NEK11: variants seen among roughly 807,000 people sequenced by gnomAD.
NEK11 encodes NIMA related kinase 11.
A neutral mutation model predicts 80.7 loss-of-function variants in NEK11; 72 were observed. The ratio of observed to expected loss-of-function variants is 0.89; its 90% CI spans 0.74 to 1.08. The LOEUF (loss-of-function observed/expected upper bound fraction) is 1.08. Ranked by LOEUF, NEK11 falls within the 50% of genes least tolerant of loss-of-function variation. The pLI is 0.00. For synonymous variants in NEK11, 251 were observed against 260.7 expected, an observed-to-expected ratio of 0.96 and a Z score of 0.36; for missense variants, 764 against 763.6, an observed-to-expected ratio of 1.00 and a Z score of -0.01.
intron 17 of NEK11, among the ~76,000 whole-genome samples, chr3:131,334,199 A>C (rs1352021746): frequency 2.6e-5 from 4 of 152,150 alleles, no homozygotes; most frequent in Admixed American, 6.5e-5. Context: ...CTATTCCAAA[A>C]TTGACCACAT....
chr3:131,211,049 A>G (rs558744445), intron 14 of NEK11, among the ~76,000 whole-genome samples: 1 of 152,250 alleles, frequency 6.6e-6, no homozygotes, highest in South Asian at 2.1e-4. Context: ...CCACTAGTTG[A>G]TGCAGTTTCT....
intron 16 of NEK11, among the ~76,000 whole-genome samples, chr3:131,262,711 G>A (rs1341097745): frequency 6.6e-6 from 1 of 152,126 alleles, no homozygotes; most frequent in Non-Finnish European, 1.5e-5. Flanking sequence ...ATGTGCAGGA[G>A]GTGCAAGTTT....
At chr3:131,257,575 T>C (rs974265174) in intron 16 of NEK11, among the ~76,000 whole-genome samples, 2 of 152,204 alleles carry the variant, frequency 1.3e-5, no homozygotes, top group Non-Finnish European at 2.9e-5. Flanking sequence ...ATCTCCTCTT[T>C]TGGCTTTCAT....
chr3:131,252,555 A>T (rs1404162460), intron 16 of NEK11, among the ~76,000 whole-genome samples: 1 of 152,102 alleles, frequency 6.6e-6, no homozygotes, highest in African/African-American at 2.4e-5. Flanking sequence ...TGAATGAATG[A>T]GTTAGCATTT....
intron 4 of NEK11, among the ~76,000 whole-genome samples, chr3:131,087,837 C>T (rs2076211247): frequency 6.6e-6 from 1 of 152,070 alleles, no homozygotes; most frequent in Admixed American, 6.6e-5. Flanking sequence ...AGAAACAAAT[C>T]CTTTTCTGTG....
rs560028347 is a variant in NEK11, at chr3:131,245,121, C to T, written c.1621+1625C>T. ...CCCACTCTTCTGAGTCTCCAACGTC[C>T]GTTACTCCACACTGTATATCCATAT... On this transcript the variant is annotated intron_variant, in intron 16 of 17. Transcript: ENST00000383366. 4.6e-5 allele frequency among the ~76,000 whole-genome samples: 7 copies of T among 151,956 alleles called. 1 individual carries two copies. In the South Asian group the frequency reaches 1.2e-3, roughly 27 times the overall value.
chr3:131,092,212 A>G (rs528985120), intron 4 of NEK11, among the ~76,000 whole-genome samples: 1 of 152,342 alleles, frequency 6.6e-6, no homozygotes, highest in Non-Finnish European at 1.5e-5. Flanking sequence ...AATTCATGGC[A>G]TCAGGCTAGT....
chr3:131,087,236 T>TC (rs1491438699), intron 4 of NEK11, among the ~76,000 whole-genome samples: 1 of 16,486 alleles, frequency 6.1e-5, no homozygotes, highest in East Asian at 9.7e-4. Flanking sequence ...ATGCAAATTC[T>TC]TTTTTTTTTT....
At chr3:131,337,951 CTTTTT>C (rs564025004) in intron 17 of NEK11, among the ~76,000 whole-genome samples, 1 of 151,124 alleles carries the variant, frequency 6.6e-6, no homozygotes, top group African/African-American at 2.4e-5. Context: ...AATTTTTTTT[CTTTTT>C]TTTTGAAACG....
intron 17 of NEK11, among the ~76,000 whole-genome samples, chr3:131,338,416 C>T (rs975231370): frequency 2.6e-5 from 4 of 151,954 alleles, no homozygotes; most frequent in Admixed American, 6.6e-5. Flanking sequence ...CTTCACCAAA[C>T]GGCTGAGAAG....
At chr3:131,028,933 C>T (rs542092317) in intron 2 of NEK11, among the ~76,000 whole-genome samples, 2 of 152,320 alleles carry the variant, frequency 1.3e-5, no homozygotes, top group East Asian at 3.9e-4. Context: ...ATTTATATTC[C>T]ACTGACATTA....
chr3:131,313,657 T>C (rs960039673), intron 17 of NEK11, among the ~76,000 whole-genome samples: 1 of 152,216 alleles, frequency 6.6e-6, no homozygotes, highest in Non-Finnish European at 1.5e-5. Flanking sequence ...CACTATGTTA[T>C]AGACAGAGCA....
chr3:131,157,204 G>A (rs1030314735), intron 10 of NEK11, among the ~76,000 whole-genome samples: 9 of 152,220 alleles, frequency 5.9e-5, no homozygotes, highest in African/African-American at 9.7e-5. Context: ...TAAGTTCAGG[G>A]TAGGATCCTG....
intron 10 of NEK11, among the ~76,000 whole-genome samples, chr3:131,160,371 G>A (rs2091370398): frequency 6.6e-6 from 1 of 152,106 alleles, no homozygotes; most frequent in African/African-American, 2.4e-5. Flanking sequence ...TTTCAGACAA[G>A]CAAATACTGA....
In NEK11 at chr3:131,318,697, A is replaced by G. The variant is rs534093851; in HGVS notation, c.1719-30860A>G. ...AGATGCAGAACAATAGGCATATATG[A>G]TCTCATCCATATGTCATTGTTTAGT... On this transcript the variant is annotated intron_variant, in intron 17 of 17. Coordinates refer to ENST00000383366, the MANE Select transcript of NEK11 (RefSeq NM_024800.5). Among the ~76,000 whole-genome samples the G allele has an allele frequency of 2.6e-5, 4 of 151,120 alleles. No homozygotes were observed. The South Asian group carries it at 8.4e-4, about 32-fold the overall frequency.
intron 3 of NEK11, among the ~76,000 whole-genome samples, chr3:131,037,393 C>T (rs886953019): frequency 1.3e-5 from 2 of 151,842 alleles, no homozygotes; most frequent in South Asian, 2.1e-4. Context: ...AAGCAATTCT[C>T]CTACCTCAGC....
chr3:131,203,128 T>A (rs112166978), intron 14 of NEK11, among the ~76,000 whole-genome samples: 2,569 of 152,246 alleles, frequency 0.017, 67 homozygotes, highest in African/African-American at 0.059. Flanking sequence ...ACGCATGCAC[T>A]TGTATGTTTA....
rs368839817 is a variant in NEK11, at chr3:131,215,222, A to G, written c.1400-13306A>G. On this transcript the variant is annotated intron_variant, in intron 14 of 17. Transcript: ENST00000383366. ...CTCACTCATAGGTGGGAATTGAACA[A>G]TGAGAACACTTGGTCACAGGAAGGG... Among the ~76,000 whole-genome samples, 59 of 146,388 alleles carry G rather than the reference A, an allele frequency of 4.0e-4. 1 individual carries two copies. In the South Asian group the frequency reaches 0.012, roughly 29 times the overall value.
At chr3:131,336,459 AAATTAATTCAAG>A (rs1211349650) in intron 17 of NEK11, among the ~76,000 whole-genome samples, 1 of 152,222 alleles carries the variant, frequency 6.6e-6, no homozygotes, top group Non-Finnish European at 1.5e-5. Flanking sequence ...CCTTATACAA[AAATTAATTCAAG>A]ATGGTTTAAA....
Sources: allele counts gnomAD v4.1 joint callset (sites outside exome capture counted in the v4.1 genomes callset), GRCh38; gene constraint gnomAD v4.1.1; transcripts MANE v1.5; gene names NCBI Gene and HGNC (gene_info 2026-07-23, HGNC 2026-07-21).